The following RIC3 variants were observed in gnomAD, a reference collection of about 807,000 sequenced individuals.
The protein encoded by RIC3 is RIC3 acetylcholine receptor chaperone.
RIC3 carries 28 observed loss-of-function variants against 27.3 expected under a neutral mutation model. That is an observed-to-expected ratio of 1.02 (90% CI 0.76 to 1.41). RIC3 has a LOEUF of 1.41. Ranked by LOEUF, RIC3 falls within the 40% of genes most tolerant of loss-of-function variation. The pLI is 0.00. For missense variants in RIC3, 501 were observed against 444.7 expected, an observed-to-expected ratio of 1.13 and a Z score of -1.14; for synonymous variants, 184 against 160.4, an observed-to-expected ratio of 1.15 and a Z score of -1.11.
chr11:8,096,569 A>G, the RIC3 span: 510,054 of 735,332 alleles, frequency 0.69, 180,644 homozygotes, highest in Middle Eastern at 0.79. Flanking sequence ...GTGTGTGCAT[A>G]AGTTTGTGGG....
intron 4 of RIC3, among the ~76,000 whole-genome samples, chr11:8,131,107 TTCACTCACTCACTCACTCAC>T (rs3060959): frequency 2.0e-5 from 3 of 149,534 alleles, no homozygotes; most frequent in African/African-American, 5.0e-5. Flanking sequence ...CATTCATTCA[TTCACTCACTCACTCACTCAC>T]TCACTCACTC....
intron 5 of RIC3, among the ~76,000 whole-genome samples, chr11:8,113,515 C>G (rs1945493962): frequency 6.6e-6 from 1 of 152,168 alleles, no homozygotes; most frequent in Non-Finnish European, 1.5e-5. Context: ...AGAGCCAGGT[C>G]TGCCCACATA....
At chr11:8,147,724 ATTTTTTTTTT>A (rs900780947) in intron 1 of RIC3, among the ~76,000 whole-genome samples, 4 of 124,528 alleles carry the variant, frequency 3.2e-5, no homozygotes, top group Admixed American at 8.6e-5. Context: ...CTTGCGTAAG[ATTTTTTTTTT>A]TTTTTTTTTT....
chr11:8,169,011 G>GATCAT lies in RIC3; in HGVS notation c.-23_-22insATGAT. 1 of 1,522,612 alleles carries GATCAT rather than the reference G, an allele frequency of 6.6e-7. No individual in the cohort carries two copies. Among genetic ancestry groups the GATCAT allele is most frequent in the Non-Finnish European group, 8.8e-7 (1 of 1,139,920 alleles). The allele number at this position is 1,522,612 out of a possible 1,614,324, so 94.3% of individuals were successfully genotyped here. ...CCATGACTGCTCACGGTGGTCGCAGGTGCAGACGCCAGCCGGAACCGGAAC... is the reference window on the plus strand; with the variant it reads ...CCATGACTGCTCACGGTGGTCGCAGGATCATTGCAGACGCCAGCCGGAACCGGAAC... On this transcript the variant is annotated 5_prime_UTR_variant, in exon 1 of 6. The change creates a new upstream start codon in the 5' untranslated region. Coordinates refer to ENST00000309737, the MANE Select transcript of RIC3 (RefSeq NM_001206671.4).
chr11:8,138,508 A>C, intron 2 of RIC3, 161 bp from the exon 3 acceptor site: 1 of 527,466 alleles, frequency 1.9e-6, no homozygotes, highest in Non-Finnish European at 3.3e-6. Context: ...AAAAACGCCA[A>C]AAGATGAGGT....
intron 5 of RIC3, 56 bp from the exon 6 acceptor site, chr11:8,111,193 AAAT>A (rs1463583700): frequency 1.5e-6 from 2 of 1,306,556 alleles, no homozygotes; most frequent in Non-Finnish European, 2.1e-6. Context: ...AAAAAAAAAA[AAAT>A]AGTGTCAGGT....
At chr11:8,101,065 C>T, downstream of RIC3, 1 of 1,562,540 alleles carries the variant, frequency 6.4e-7, no homozygotes. Context: ...AGGGTTCAGC[C>T]CACCTAGCCC....
intron 1 of RIC3, among the ~76,000 whole-genome samples, chr11:8,153,627 G>A (rs1950427647): frequency 6.6e-6 from 1 of 151,978 alleles, no homozygotes; most frequent in African/African-American, 2.4e-5. Context: ...GTCTCAGCCT[G>A]TTCTTTCTTT....
chr11:8,152,245 G>A (rs979098162), intron 1 of RIC3, among the ~76,000 whole-genome samples: 2 of 152,104 alleles, frequency 1.3e-5, no homozygotes, highest in East Asian at 1.9e-4. Context: ...CCACTCTTAG[G>A]TATACAGCCA....
chr11:8,148,059 C>T (rs1590305770), intron 1 of RIC3, among the ~76,000 whole-genome samples: 1 of 152,198 alleles, frequency 6.6e-6, no homozygotes, highest in African/African-American at 2.4e-5. Context: ...TCAAAGTCAA[C>T]TCTGCTCCTG....
Position 8,164,825 on chromosome 11 carries a change from T to G in RIC3, c.124+4041A>C, listed in dbSNP as rs185729529. 2.2e-3 allele frequency among the ~76,000 whole-genome samples: 334 copies of G among 149,094 alleles called. 1 individual carries two copies. Among genetic ancestry groups the G allele is most frequent in the African/African-American group, 7.8e-3 (315 of 40,570 alleles). On this transcript the variant is annotated intron_variant, in intron 1 of 5. Transcript: ENST00000309737. ...AAAAAAAAGACAAGTAATCTGACTT[T>G]TAAAGAGGGTTAAAAGGACCTGAAT... is the stretch of plus-strand genomic sequence containing the variant.
At chr11:8,122,864 C>CAAAAAA (rs55826618) in intron 5 of RIC3, among the ~76,000 whole-genome samples, 2 of 63,500 alleles carry the variant, frequency 3.1e-5, no homozygotes, top group African/African-American at 1.1e-4. Context: ...ACCAGGTATG[C>CAAAAAA]AAAAAAAAAA....
At chr11:8,115,752 A>C (rs900170818) in intron 5 of RIC3, among the ~76,000 whole-genome samples, 1 of 152,222 alleles carries the variant, frequency 6.6e-6, no homozygotes, top group Non-Finnish European at 1.5e-5. Flanking sequence ...TGAAGAAGAC[A>C]CAAATAAAAT....
chr11:8,140,301 G>GA (rs1224780181), intron 1 of RIC3, 108 bp from the exon 2 acceptor site: 13 of 965,146 alleles, frequency 1.3e-5, no homozygotes, highest in Admixed American at 8.6e-5. Context: ...ACAAGTAGAA[G>GA]AAAAAAATGG....
intron 1 of RIC3, among the ~76,000 whole-genome samples, chr11:8,146,240 A>T (rs1949665317): frequency 6.6e-6 from 1 of 152,242 alleles, no homozygotes; most frequent in South Asian, 2.1e-4. Flanking sequence ...AGACATACCT[A>T]CAGCAACATG....
At chr11:8,143,026 T>C (rs1302364402) in intron 1 of RIC3, among the ~76,000 whole-genome samples, 1 of 106,712 alleles carries the variant, frequency 9.4e-6, no homozygotes, top group South Asian at 3.2e-4. Context: ...TGGGACGTAT[T>C]TCAAAATAAT....
At chr11:8,136,371 T>A (rs1313220808) in intron 4 of RIC3, among the ~76,000 whole-genome samples, 1 of 152,248 alleles carries the variant, frequency 6.6e-6, no homozygotes, top group African/African-American at 2.4e-5. Context: ...CACTTCCTTC[T>A]GCATGGGATT....
chr11:8,143,532 TACAA>T (rs1008041808), intron 1 of RIC3, among the ~76,000 whole-genome samples: 3 of 139,598 alleles, frequency 2.1e-5, no homozygotes, highest in Non-Finnish European at 3.1e-5. Flanking sequence ...TAAAAGAGGA[TACAA>T]ACAAACGGAA....
chr11:8,126,633 CA>C (rs1326944737), intron 5 of RIC3, 25 bp downstream of exon 5: 10 of 1,610,548 alleles, frequency 6.2e-6, no homozygotes, highest in Non-Finnish European at 8.5e-6. Flanking sequence ...TGACAGCTAA[CA>C]AAAAAATGAG....
Sources: allele counts gnomAD v4.1 joint callset (sites outside exome capture counted in the v4.1 genomes callset), GRCh38; gene constraint gnomAD v4.1.1; transcripts MANE v1.5; gene names NCBI Gene and HGNC (gene_info 2026-07-23, HGNC 2026-07-21).